OLFM2: variants seen among roughly 807,000 people sequenced by gnomAD.
OLFM2 encodes the protein olfactomedin 2, also known as noelin-2.
A neutral mutation model predicts 43.9 loss-of-function variants in OLFM2; 20 were observed. That is an observed-to-expected ratio of 0.46 (90% confidence interval 0.32 to 0.66). OLFM2 has a LOEUF of 0.66. Among genes scored for constraint, OLFM2 ranks in the 30% least tolerant of loss-of-function variants. OLFM2 has a pLI of 0.04. For synonymous variants in OLFM2, 268 were observed against 278.6 expected (o/e 0.96, Z 0.38); for missense variants, 416 against 643.6 (o/e 0.65, Z 3.83).
chr19:9,885,289 C>T lies in OLFM2; in HGVS notation c.64-24495G>A, dbSNP rs183837010. On this transcript the variant is annotated intron_variant, in intron 1 of 5. Transcript: ENST00000264833. ...CTGAGTCTCCGGCAGTTAATGAATCCGGAAAAAATCTCAGCTGTGTCAGAG... is the reference window on the plus strand; with the variant it reads ...CTGAGTCTCCGGCAGTTAATGAATCTGGAAAAAATCTCAGCTGTGTCAGAG... 4.1e-3 allele frequency among the ~76,000 whole-genome samples: 628 copies of T among 152,274 alleles called. 14 individuals carry two copies. The highest frequency in any genetic ancestry group is 0.036 in the Admixed American group (548 of 15,290).
At chr19:9,928,682 G>A (rs2086466630) in intron 1 of OLFM2, among the ~76,000 whole-genome samples, 1 of 151,938 alleles carries the variant, frequency 6.6e-6, no homozygotes, top group Non-Finnish European at 1.5e-5. Context: ...GTGCACGCCT[G>A]TAGTCCCAGC....
intron 1 of OLFM2, among the ~76,000 whole-genome samples, chr19:9,933,423 A>T (rs1405845389): frequency 1.3e-5 from 2 of 151,872 alleles, no homozygotes; most frequent in African/African-American, 4.8e-5. Context: ...TTTTTAGTAG[A>T]GACGGGGTTT....
At chr19:9,894,409 T>TAATAATAATA (rs1555726682) in intron 1 of OLFM2, among the ~76,000 whole-genome samples, 151 of 100,506 alleles carry the variant, frequency 1.5e-3, no homozygotes, top group Middle Eastern at 6.0e-3. Flanking sequence ...ATAATAATAA[T>TAATAATAATA]AATAAATAAA....
chr19:9,857,333 G>A lies in OLFM2; in HGVS notation c.510C>T (p.Tyr170=), dbSNP rs138477830. 1.7e-5 allele frequency: 27 copies of A among 1,614,154 alleles called. No homozygotes were observed. The highest frequency in any genetic ancestry group is 1.0e-4 in the Admixed American group (6 of 60,022). The change falls in exon 4 of 6, where the codon TAC becomes TAT. Residue 170 remains tyrosine (Y), a synonymous_variant. Transcript: ENST00000264833. The surrounding 1 kb of genome is among the most constrained non-coding windows in gnomAD (Gnocchi z 5.7). ...CCCGTTGCTGCAGGTCCTCATACCC[G>A]TAGGCACCCATCTCCTCCTGAATGG... ...LAAIQEEMGA[Y]GYEDLQQRVM...
At chr19:9,872,851 C>T (rs1462527078) in intron 1 of OLFM2, among the ~76,000 whole-genome samples, 4 of 151,938 alleles carry the variant, frequency 2.6e-5, no homozygotes, top group African/African-American at 9.7e-5. Context: ...CATTTATATA[C>T]ATCCATCCAT....
At position 9,854,361 on chromosome 19, in the gene OLFM2, A is replaced by G. The variant is rs1308563697; in HGVS notation, c.1190T>C (p.Phe397Ser). The G allele has an allele frequency of 6.2e-7, 1 of 1,614,184 alleles. No individual in the cohort carries two copies. The highest frequency in any genetic ancestry group is 1.1e-5 in the South Asian group (1 of 91,088). Residue 397 changes from phenylalanine to serine, a missense_variant, in exon 6 of 6, where the codon TTT (phenylalanine) becomes TCT (serine). Physicochemically the swap from Phe to Ser is radical, Grantham distance 155. Transcript: ENST00000264833. The surrounding 1 kb of genome is among the most constrained non-coding windows in gnomAD (Gnocchi z 9.5). ...GTACTCGTAACTGGACGTGTTGGTA[A>G]AATAGGCGAAGTAGACCTTGGCCCC... ...LAGAKVYFAY[F>S]TNTSSYEYTD...
chr19:9,869,928 A>T (rs1395624292), intron 1 of OLFM2, among the ~76,000 whole-genome samples: 4 of 151,882 alleles, frequency 2.6e-5, no homozygotes, highest in Non-Finnish European at 2.9e-5. Context: ...TTAATTTTTT[A>T]AAATATTTTT....
Position 9,860,686 on chromosome 19 carries a change from G to T in OLFM2, c.172C>A (p.Arg58=), listed in dbSNP as rs529000203. The T allele has an allele frequency of 3.4e-5, 54 of 1,600,230 alleles. No homozygotes were observed. In the South Asian group the frequency reaches 5.2e-4, roughly 15 times the overall value. Residue 58 remains arginine (R), a synonymous_variant, in exon 2 of 6, where the codon CGA becomes AGA. Coordinates refer to ENST00000264833, the MANE Select transcript of OLFM2 (RefSeq NM_058164.4). ...AVIPAQSTCS[R]DGRSRELRQL... is the part of the protein sequence containing the mutation. ...CGCAGCTCCCGACTCCTGCCATCTC[G>T]AGAGCAGGTACTCTGCGCTGGGATC...
At chr19:9,932,203 T>C (rs1449115018) in intron 1 of OLFM2, among the ~76,000 whole-genome samples, 1 of 152,004 alleles carries the variant, frequency 6.6e-6, no homozygotes, top group African/African-American at 2.4e-5. Context: ...CTCATGCCTA[T>C]AATCCCAGCA....
chr19:9,856,810 G>T lies in OLFM2; in HGVS notation c.684C>A (p.Ser228Arg), dbSNP rs747626168. 9.3e-6 allele frequency: 15 copies of T among 1,612,386 alleles called. No individual in the cohort carries two copies. Among genetic ancestry groups the T allele is most frequent in the Middle Eastern group, 1.7e-4 (1 of 5,746 alleles). Residue 228 changes from serine (S) to arginine (R), a missense_variant, in exon 5 of 6, where the codon AGC (serine) becomes AGA (arginine). Physicochemically the swap from Ser to Arg is moderately radical, Grantham distance 110. Coordinates refer to ENST00000264833, the MANE Select transcript of OLFM2 (RefSeq NM_058164.4). The surrounding 1 kb of genome is among the most constrained non-coding windows in gnomAD (Gnocchi z 4.0). ...MTDTMAPSAD[S>R]RVWYMDGYYK... The stretch of plus-strand genomic sequence containing the variant: ...AGGGGTGGGCGCAGTCACTCACCCG[G>T]CTATCCGCACTGGGGGCCATCGTGT...
At chr19:9,877,185 G>A (rs556255451) in intron 1 of OLFM2, among the ~76,000 whole-genome samples, 1 of 148,494 alleles carries the variant, frequency 6.7e-6, no homozygotes, top group Non-Finnish European at 1.5e-5. Flanking sequence ...AGCCGAGATG[G>A]TGCCACTGCA....
chr19:9,884,327 C>T (rs150453718), intron 1 of OLFM2, among the ~76,000 whole-genome samples: 6,299 of 150,752 alleles, frequency 0.042, 209 homozygotes, highest in South Asian at 0.11. Context: ...ACTGTAATCC[C>T]AGCACTTTGG....
chr19:9,922,292 AC>A (rs2086426462), intron 1 of OLFM2, among the ~76,000 whole-genome samples: 2 of 151,546 alleles, frequency 1.3e-5, no homozygotes, highest in Non-Finnish European at 2.9e-5. Flanking sequence ...ACACACACAC[AC>A]ATTCCTACAA....
intron 1 of OLFM2, among the ~76,000 whole-genome samples, chr19:9,864,786 G>T (rs2046387389): frequency 3.0e-5 from 2 of 67,598 alleles, no homozygotes; most frequent in Admixed American, 3.8e-4. Flanking sequence ...AACACACCCA[G>T]CTTTTTTTTT....
At chr19:9,879,422 G>A (rs564689376) in intron 1 of OLFM2, among the ~76,000 whole-genome samples, 29 of 152,138 alleles carry the variant, frequency 1.9e-4, no homozygotes, top group Non-Finnish European at 3.1e-4. Context: ...GTGAGCCACC[G>A]TACCCAGCCA....
intron 1 of OLFM2, among the ~76,000 whole-genome samples, chr19:9,909,596 C>T (rs752231074): frequency 6.6e-6 from 1 of 152,124 alleles, no homozygotes; most frequent in Non-Finnish European, 1.5e-5. Flanking sequence ...CCACTGAGTT[C>T]CTTTTTAAAG....
At position 9,890,192 on chromosome 19, in the gene OLFM2, C is replaced by A. The variant is rs142198165; in HGVS notation, c.64-29398G>T. Among the ~76,000 whole-genome samples, 198 of 152,304 alleles carry A rather than the reference C, an allele frequency of 1.3e-3. 1 individual carries two copies. Among genetic ancestry groups the A allele is most frequent in the African/African-American group, 4.6e-3 (190 of 41,572 alleles). On this transcript the variant is annotated intron_variant, in intron 1 of 5. Coordinates refer to ENST00000264833, the MANE Select transcript of OLFM2 (RefSeq NM_058164.4). ...GAGACATCTACCAGCACCTATTATT[C>A]TTCTTCCCCAGTGTCTGTGGAAAAA... is the stretch of plus-strand genomic sequence containing the variant.
At chr19:9,897,952 G>A (rs1389354402) in intron 1 of OLFM2, among the ~76,000 whole-genome samples, 1 of 151,892 alleles carries the variant, frequency 6.6e-6, no homozygotes, top group African/African-American at 2.4e-5. Context: ...ACCCAGGCTG[G>A]AGCACAGTGG....
chr19:9,880,959 G>A (rs560829623), intron 1 of OLFM2, among the ~76,000 whole-genome samples: 3 of 152,148 alleles, frequency 2.0e-5, no homozygotes, highest in African/African-American at 4.8e-5. Context: ...GTGCAGTGAC[G>A]CAATGTAGGC....
Sources: allele counts gnomAD v4.1 joint callset (sites outside exome capture counted in the v4.1 genomes callset), GRCh38; gene constraint gnomAD v4.1.1; non-coding constraint Gnocchi (gnomAD v3.1); transcripts MANE v1.5; gene names NCBI Gene and HGNC (gene_info 2026-07-23, HGNC 2026-07-21).